Variants in UBE2H observed in about 807,000 individuals in gnomAD.
UBE2H encodes the protein ubiquitin-conjugating enzyme E2 H.
Under a neutral mutation model 29.0 loss-of-function variants are expected in UBE2H, and 3 were observed. That is an observed-to-expected ratio of 0.10 (90% CI 0.05 to 0.27). The LOEUF is 0.27. Ranked by LOEUF, UBE2H falls within the 10% of genes least tolerant of loss-of-function variation. The pLI is 1.00. For synonymous variants in UBE2H, 69 were observed against 82.9 expected (o/e 0.83, Z 0.91); for missense variants, 68 against 228.2 (o/e 0.30, Z 4.52).
intron 1 of UBE2H, among the ~76,000 whole-genome samples, chr7:129,886,750 G>GATTTTTT (rs1806368233): frequency 2.6e-5 from 2 of 78,058 alleles, no homozygotes; most frequent in South Asian, 3.3e-4. Flanking sequence ...TTCACTACCT[G>GATTTTTT]GTTTTTTGTT....
chr7:129,949,756 C>G (rs1807836455), intron 1 of UBE2H, among the ~76,000 whole-genome samples: 1 of 152,144 alleles, frequency 6.6e-6, no homozygotes, highest in Non-Finnish European at 1.5e-5. Context: ...CTCCCTACCC[C>G]CACACTGCTA....
At position 129,848,032 on chromosome 7, in the gene UBE2H, C is replaced by T. The variant is rs545313125; in HGVS notation, c.299-8697G>A. Among the ~76,000 whole-genome samples, 18 of 152,324 alleles carry T rather than the reference C, an allele frequency of 1.2e-4. No homozygotes were observed. In the South Asian group the frequency reaches 3.3e-3, roughly 28 times the overall value. On this transcript the variant is annotated intron_variant, in intron 5 of 6. Coordinates refer to ENST00000355621, the MANE Select transcript of UBE2H (RefSeq NM_003344.4). ...AATGGCCTTAAAGGCTCTATACTCT[C>T]GCCTTTGTAATCAGAGAAAGTTTCC...
chr7:129,944,120 G>A (rs973297953), intron 1 of UBE2H, among the ~76,000 whole-genome samples: 1 of 115,776 alleles, frequency 8.6e-6, no homozygotes. Context: ...ACTTTGGGAG[G>A]CCACGGTGGG....
chr7:129,890,238 T>C (rs74458843), intron 1 of UBE2H, among the ~76,000 whole-genome samples: 2 of 145,308 alleles, frequency 1.4e-5, no homozygotes, highest in Non-Finnish European at 3.1e-5. Context: ...CACATATATA[T>C]ATACACACGT....
chr7:129,908,499 C>T (rs1370407557), intron 1 of UBE2H, among the ~76,000 whole-genome samples: 2 of 152,180 alleles, frequency 1.3e-5, no homozygotes, highest in African/African-American at 2.4e-5. Flanking sequence ...AAAAGATGAA[C>T]TTTGTCTTAA....
intron 1 of UBE2H, among the ~76,000 whole-genome samples, chr7:129,888,173 T>TA (rs1281833856): frequency 6.6e-6 from 1 of 152,184 alleles, no homozygotes; most frequent in Non-Finnish European, 1.5e-5. Flanking sequence ...TAAGGGTTTT[T>TA]AATGTTCTTC....
intron 1 of UBE2H, among the ~76,000 whole-genome samples, chr7:129,907,453 T>C (rs1014130817): frequency 4.6e-5 from 7 of 152,214 alleles, no homozygotes; most frequent in African/African-American, 1.7e-4. Context: ...ATGCAGCAAC[T>C]GTGCCTAGAA....
chr7:129,910,890 A>C (rs566663942), intron 1 of UBE2H, among the ~76,000 whole-genome samples: 1 of 152,146 alleles, frequency 6.6e-6, no homozygotes, highest in African/African-American at 2.4e-5. Flanking sequence ...TCAAAAAACA[A>C]AAACAAAAAC....
At chr7:129,903,717 A>G (rs977025408) in intron 1 of UBE2H, among the ~76,000 whole-genome samples, 3 of 152,140 alleles carry the variant, frequency 2.0e-5, no homozygotes, top group Admixed American at 2.0e-4. Context: ...TACGCAACAA[A>G]GCAAGACGCC....
intron 1 of UBE2H, among the ~76,000 whole-genome samples, chr7:129,885,145 C>T (rs967076805): frequency 2.0e-5 from 3 of 151,974 alleles, no homozygotes; most frequent in African/African-American, 7.3e-5. Flanking sequence ...CCAACCAGAG[C>T]TCCACTAATA....
At chr7:129,921,972 A>G (rs530248074) in intron 1 of UBE2H, among the ~76,000 whole-genome samples, 1 of 152,120 alleles carries the variant, frequency 6.6e-6, no homozygotes, top group South Asian at 2.1e-4. Context: ...TTATGTAAGA[A>G]AAGTCCTTAT....
At chr7:129,840,403 G>C (rs571820638) in intron 5 of UBE2H, among the ~76,000 whole-genome samples, 79 of 151,832 alleles carry the variant, frequency 5.2e-4, no homozygotes, top group Non-Finnish European at 9.4e-4. Flanking sequence ...GCCCAGGCTG[G>C]TCTTGAACTC....
chr7:129,909,850 C>T (rs1206276073), intron 1 of UBE2H, among the ~76,000 whole-genome samples: 3 of 152,038 alleles, frequency 2.0e-5, no homozygotes. Context: ...TTCTAAGGAG[C>T]AGCTTGAAAG....
intron 1 of UBE2H, among the ~76,000 whole-genome samples, chr7:129,906,835 G>A (rs1806827563): frequency 6.6e-6 from 1 of 152,134 alleles, no homozygotes; most frequent in Non-Finnish European, 1.5e-5. Context: ...AGTTTCTTTG[G>A]AGACCTACTT....
rs1805293591 is a variant in UBE2H, at chr7:129,834,869, T to C, written c.*68A>G. 1.9e-6 allele frequency: 3 copies of C among 1,573,892 alleles called. No individual in the cohort carries two copies. The African/African-American group carries it at 4.1e-5, about 22-fold the overall frequency. Reference sequence around the variant, plus strand: ...TAAAAAAAATTGCTTTGTTTAAATATGAATATTATAGTCTGCTTCTCATGG... The same window carrying C: ...TAAAAAAAATTGCTTTGTTTAAATACGAATATTATAGTCTGCTTCTCATGG... On this transcript the variant is annotated 3_prime_UTR_variant, in exon 7 of 7. Coordinates refer to ENST00000355621, the MANE Select transcript of UBE2H (RefSeq NM_003344.4).
chr7:129,939,574 A>G (rs1807599743), intron 1 of UBE2H, among the ~76,000 whole-genome samples: 1 of 152,182 alleles, frequency 6.6e-6, no homozygotes, highest in Non-Finnish European at 1.5e-5. Flanking sequence ...TCTACATACA[A>G]ATGCTACAAT....
rs903800578 is a variant in UBE2H at position 129,944,954 on chromosome 7, T to TA, written c.53+7548dup. Among the ~76,000 whole-genome samples the TA allele has an allele frequency of 6.9e-3, 1,009 of 146,566 alleles. 6 individuals are homozygous for TA. Among genetic ancestry groups the TA allele is most frequent in the African/African-American group, 0.021 (817 of 39,780 alleles). ...CACATAATAGAATACTACTCAGCAA[T>TA]AAAAAAAAAATGAACTAAATAACAT... On this transcript the variant is annotated intron_variant, in intron 1 of 6. Transcript: ENST00000355621.
intron 1 of UBE2H, among the ~76,000 whole-genome samples, chr7:129,902,396 G>A (rs913286986): frequency 2.6e-5 from 4 of 152,210 alleles, no homozygotes; most frequent in Non-Finnish European, 4.4e-5. Context: ...AGCTACTTGG[G>A]AGGCTGAGGC....
rs115748496 is a variant in UBE2H at position 129,885,752 on chromosome 7, T to C, written c.54-4781A>G. Among the ~76,000 whole-genome samples the C allele has an allele frequency of 8.8e-3, 1,348 of 152,356 alleles. 16 individuals carry two copies. Among genetic ancestry groups the C allele is most frequent in the African/African-American group, 0.031 (1,281 of 41,572 alleles). On this transcript the variant is annotated intron_variant, in intron 1 of 6. Transcript: ENST00000355621. ...ATGAGAAGCTATGCTAACTTTATGC[T>C]GCCTTGGAATGGACAGGCACTAAAT...
Sources: allele counts gnomAD v4.1 joint callset (sites outside exome capture counted in the v4.1 genomes callset), GRCh38; gene constraint gnomAD v4.1.1; transcripts MANE v1.5; gene names NCBI Gene and HGNC (gene_info 2026-07-23, HGNC 2026-07-21).